Variants in ENOX1 observed in about 807,000 individuals in gnomAD.
ENOX1 encodes candidate growth-related and time keeping constitutive hydroquinone (NADH) oxidase.
A neutral mutation model predicts 82.5 loss-of-function variants in ENOX1; 42 were observed. That is an observed-to-expected ratio of 0.51 (90% CI 0.40 to 0.66). The LOEUF is 0.66. Among genes scored for constraint, ENOX1 ranks in the 30% least tolerant of loss-of-function variants. The pLI is 0.00. For missense variants in ENOX1, 608 were observed against 811.6 expected (o/e 0.75, Z 3.05); for synonymous variants, 271 against 282.2 (o/e 0.96, Z 0.40).
chr13:43,468,327 G>A (rs529546181), intron 3 of ENOX1, among the ~76,000 whole-genome samples: 22 of 151,798 alleles, frequency 1.4e-4, no homozygotes, highest in African/African-American at 3.1e-4. Context: ...GACTACAGGC[G>A]CATGCCACCA....
intron 14 of ENOX1, among the ~76,000 whole-genome samples, chr13:43,262,319 C>T (rs1425068714): frequency 6.6e-6 from 1 of 152,094 alleles, no homozygotes; most frequent in Non-Finnish European, 1.5e-5. Context: ...ATTGTCAGCT[C>T]TCACAAGAAC....
intron 2 of ENOX1, among the ~76,000 whole-genome samples, chr13:43,608,378 CTG>C (rs2082058976): frequency 6.6e-6 from 1 of 152,188 alleles, no homozygotes; most frequent in Non-Finnish European, 1.5e-5. Flanking sequence ...ATAAAGATGA[CTG>C]AGATCATTTC....
intron 15 of ENOX1, among the ~76,000 whole-genome samples, chr13:43,233,498 T>C (rs1247060358): frequency 2.0e-5 from 3 of 152,216 alleles, no homozygotes; most frequent in African/African-American, 7.2e-5. Flanking sequence ...GTCATAAGAA[T>C]GTCTGGGCAG....
At chr13:43,331,505 T>C (rs555393227) in intron 9 of ENOX1, among the ~76,000 whole-genome samples, 2 of 152,326 alleles carry the variant, frequency 1.3e-5, no homozygotes, top group Admixed American at 1.3e-4. Context: ...CATTTTTCTT[T>C]TTTTAAGGGA....
intron 3 of ENOX1, among the ~76,000 whole-genome samples, chr13:43,470,238 GTATATATATACATATATATATACA>G (rs1435465143): frequency 1.2e-5 from 1 of 86,826 alleles, no homozygotes; most frequent in African/African-American, 3.7e-5. Context: ...GTGTGTGTGT[GTATATATATACATATATATATACA>G]TATATATACA....
intron 11 of ENOX1, among the ~76,000 whole-genome samples, chr13:43,303,136 T>TA (rs2046675433): frequency 6.6e-6 from 1 of 152,212 alleles, no homozygotes; most frequent in Non-Finnish European, 1.5e-5. Flanking sequence ...AGAAAGTCTT[T>TA]TTCAAGAATT....
intron 1 of ENOX1, among the ~76,000 whole-genome samples, chr13:43,740,507 G>C (rs1247247287): frequency 6.6e-6 from 1 of 151,710 alleles, no homozygotes; most frequent in Non-Finnish European, 1.5e-5. Context: ...TAAGTTCAGG[G>C]GTACAAGTGC....
intron 15 of ENOX1, among the ~76,000 whole-genome samples, chr13:43,230,975 C>G (rs1026201993): frequency 7.2e-5 from 11 of 152,216 alleles, no homozygotes; most frequent in Non-Finnish European, 2.9e-5. Context: ...TCCAAACTCT[C>G]TGTGTCAGGT....
intron 8 of ENOX1, among the ~76,000 whole-genome samples, chr13:43,349,752 G>C (rs1267224514): frequency 1.3e-5 from 2 of 152,218 alleles, no homozygotes; most frequent in African/African-American, 4.8e-5. Context: ...AGGTAAACTG[G>C]TTAGGAGCTG....
intron 5 of ENOX1, among the ~76,000 whole-genome samples, chr13:43,407,873 CA>C (rs140638218): frequency 0.013 from 1,962 of 152,126 alleles, 35 homozygotes; most frequent in African/African-American, 0.044. Context: ...TCAAAGGCAA[CA>C]AAAAAACTTC....
intron 14 of ENOX1, among the ~76,000 whole-genome samples, chr13:43,242,473 T>C (rs2042885310): frequency 6.6e-6 from 1 of 152,268 alleles, no homozygotes. Context: ...TCTTTAAGCT[T>C]CTGTTCTTTA....
At chr13:43,571,788 T>C (rs1007843962) in intron 2 of ENOX1, among the ~76,000 whole-genome samples, 1 of 152,164 alleles carries the variant, frequency 6.6e-6, no homozygotes, top group African/African-American at 2.4e-5. Flanking sequence ...CAATTCCTCA[T>C]CTGTGAGGTG....
chr13:43,215,696 T>C (rs138207997), intron 16 of ENOX1, among the ~76,000 whole-genome samples: 1 of 152,156 alleles, frequency 6.6e-6, no homozygotes, highest in African/African-American at 2.4e-5. Flanking sequence ...CTTCCCATGA[T>C]TGTCAACAGC....
In ENOX1 at chr13:43,642,640, A is replaced by G. The variant is rs573722780; in HGVS notation, c.-219+24839T>C. On this transcript the variant is annotated intron_variant, in intron 2 of 16. Transcript: ENST00000690772. Reference sequence around the variant, plus strand: ...CAGAATCAAAGACCAATTTGCCCCAATGTTCAAGGAGAGGAAAGTATAGAC... The same window carrying G: ...CAGAATCAAAGACCAATTTGCCCCAGTGTTCAAGGAGAGGAAAGTATAGAC... Among the ~76,000 whole-genome samples, 24 of 152,298 alleles carry G rather than the reference A, an allele frequency of 1.6e-4. No homozygotes were observed. The South Asian group carries it at 3.9e-3, about 25-fold the overall frequency.
At chr13:43,237,157 C>T (rs964001468) in intron 14 of ENOX1, among the ~76,000 whole-genome samples, 1 of 152,040 alleles carries the variant, frequency 6.6e-6, no homozygotes, top group Non-Finnish European at 1.5e-5. Context: ...AGAAATAGGG[C>T]CTATTGGGGA....
chr13:43,337,861 A>T lies in ENOX1; in HGVS notation c.1036+6677T>A, dbSNP rs573706895. Among the ~76,000 whole-genome samples the T allele has an allele frequency of 2.4e-4, 37 of 152,216 alleles. No homozygotes were observed. In the Middle Eastern group the frequency reaches 0.01, roughly 42 times the overall value. ...AAGCCTCTCACGTCTGCTCTCTGAGACTCAGTTTCCTCCTCTGTAAAATGA... is the reference window on the plus strand; with the variant it reads ...AAGCCTCTCACGTCTGCTCTCTGAGTCTCAGTTTCCTCCTCTGTAAAATGA... On this transcript the variant is annotated intron_variant, in intron 9 of 16. Transcript: ENST00000690772.
intron 2 of ENOX1, among the ~76,000 whole-genome samples, chr13:43,500,776 A>T (rs1270367331): frequency 6.6e-6 from 1 of 151,928 alleles, no homozygotes; most frequent in Non-Finnish European, 1.5e-5. Context: ...ATTACCAAAA[A>T]TATTAATGCA....
At chr13:43,298,030 G>C (rs542686030) in intron 12 of ENOX1, among the ~76,000 whole-genome samples, 1 of 152,218 alleles carries the variant, frequency 6.6e-6, no homozygotes, top group Non-Finnish European at 1.5e-5. Context: ...CAAAATGCTT[G>C]TATCATGCAG....
intron 3 of ENOX1, among the ~76,000 whole-genome samples, chr13:43,446,492 T>A (rs2056655788): frequency 6.6e-6 from 1 of 152,094 alleles, no homozygotes. Flanking sequence ...TCCCAGTGGC[T>A]CCTTATCTTC....
Sources: gnomAD v4.1 joint callset for allele counts (sites outside exome capture counted in the v4.1 genomes callset) on GRCh38, gnomAD v4.1.1 for gene constraint, MANE v1.5 for transcripts, NCBI Gene and HGNC (gene_info 2026-07-23, HGNC 2026-07-21) for gene names.